The following TBC1D5 variants were observed in gnomAD, a reference collection of about 807,000 sequenced individuals.
The protein encoded by TBC1D5 is TBC1 domain family, member 5.
Under a neutral mutation model 100.3 loss-of-function variants are expected in TBC1D5, and 75 were observed. The ratio of observed to expected loss-of-function variants is 0.75; its 90% CI spans 0.62 to 0.91. The LOEUF (loss-of-function observed/expected upper bound fraction) is 0.91, where lower values mean the gene tolerates loss of function less well. Among genes scored for constraint, TBC1D5 ranks in the 40% least tolerant of loss-of-function variants. The probability of loss-of-function intolerance (pLI) is 0.00; values close to 1 mark genes in which losing one functional copy is unlikely to be tolerated. For synonymous variants in TBC1D5, 323 were observed against 325.6 expected, an observed-to-expected ratio of 0.99 and a Z score of 0.09; for missense variants, 910 against 942.4, an observed-to-expected ratio of 0.97 and a Z score of 0.45.
chr3:17,427,789 A>G (rs1036167026), intron 4 of TBC1D5, among the ~76,000 whole-genome samples: 4 of 151,952 alleles, frequency 2.6e-5, no homozygotes, highest in Admixed American at 1.3e-4. Flanking sequence ...ATTTTCAAGT[A>G]TTACTGAAAA....
At chr3:17,479,968 T>C (rs1453293295) in intron 3 of TBC1D5, among the ~76,000 whole-genome samples, 1 of 152,192 alleles carries the variant, frequency 6.6e-6, no homozygotes, top group African/African-American at 2.4e-5. Context: ...CCTGTGCTCT[T>C]GGGGTCCCAG....
chr3:17,194,424 T>C (rs1473319583), intron 18 of TBC1D5, among the ~76,000 whole-genome samples: 1 of 152,246 alleles, frequency 6.6e-6, no homozygotes, highest in Non-Finnish European at 1.5e-5. Context: ...GTAGCTCTAT[T>C]ATTCTATTTA....
intron 8 of TBC1D5, among the ~76,000 whole-genome samples, chr3:17,397,473 G>A (rs1334952781): frequency 6.6e-6 from 1 of 152,118 alleles, no homozygotes; most frequent in African/African-American, 2.4e-5. Flanking sequence ...CTGGGATCAA[G>A]AGATCCCCCA....
At chr3:17,315,433 C>T (rs781558643) in intron 13 of TBC1D5, among the ~76,000 whole-genome samples, 1 of 152,176 alleles carries the variant, frequency 6.6e-6, no homozygotes, top group Non-Finnish European at 1.5e-5. Flanking sequence ...ATACTGGGAG[C>T]GCAGCTGAAT....
At chr3:17,216,275 C>A (rs550835477) in intron 17 of TBC1D5, among the ~76,000 whole-genome samples, 1 of 152,128 alleles carries the variant, frequency 6.6e-6, no homozygotes, top group African/African-American at 2.4e-5. Context: ...AGGGTGGTTC[C>A]CAGCTCGTGA....
At chr3:17,381,481 A>C (rs2092942990) in intron 9 of TBC1D5, among the ~76,000 whole-genome samples, 1 of 152,128 alleles carries the variant, frequency 6.6e-6, no homozygotes, top group Admixed American at 6.6e-5. Context: ...CAACATAATG[A>C]AAAGAAAGCA....
chr3:17,399,751 T>C (rs928136141), intron 8 of TBC1D5, among the ~76,000 whole-genome samples: 1 of 152,130 alleles, frequency 6.6e-6, no homozygotes, highest in African/African-American at 2.4e-5. Flanking sequence ...CCTCTCAGAT[T>C]TCCTTCTCTA....
At chr3:17,737,088 T>G (rs2077019384) in intron 1 of TBC1D5, among the ~76,000 whole-genome samples, 2 of 152,174 alleles carry the variant, frequency 1.3e-5, no homozygotes, top group Admixed American at 6.5e-5. Flanking sequence ...TGATCCCCAC[T>G]TATCAGCAAA....
intron 13 of TBC1D5, among the ~76,000 whole-genome samples, chr3:17,357,555 G>A (rs1305805917): frequency 6.6e-6 from 1 of 152,138 alleles, no homozygotes; most frequent in African/African-American, 2.4e-5. Flanking sequence ...TGAAGCCAGA[G>A]CAAGAGGCAT....
chr3:17,237,201 GCTCT>G (rs1383014355), intron 17 of TBC1D5, among the ~76,000 whole-genome samples: 2 of 152,174 alleles, frequency 1.3e-5, no homozygotes, highest in Non-Finnish European at 2.9e-5. Context: ...CAGGATGTTT[GCTCT>G]GACACTAAGT....
At chr3:17,351,068 T>C (rs2090515644) in intron 13 of TBC1D5, among the ~76,000 whole-genome samples, 1 of 152,164 alleles carries the variant, frequency 6.6e-6, no homozygotes, top group South Asian at 2.1e-4. Context: ...TATTTTAAAA[T>C]ATCACACTAA....
intron 17 of TBC1D5, among the ~76,000 whole-genome samples, chr3:17,216,168 T>C (rs1412954858): frequency 6.6e-6 from 1 of 152,008 alleles, no homozygotes; most frequent in East Asian, 1.9e-4. Context: ...TTTAAGGAAA[T>C]ATTTGTGACT....
At chr3:17,285,357 T>C (rs1223627858) in intron 15 of TBC1D5, among the ~76,000 whole-genome samples, 2 of 146,690 alleles carry the variant, frequency 1.4e-5, no homozygotes, top group African/African-American at 2.6e-5. Context: ...GCCTCCCGGG[T>C]TCACGGCATT....
intron 2 of TBC1D5, among the ~76,000 whole-genome samples, chr3:17,554,800 T>C (rs991227596): frequency 2.0e-5 from 3 of 152,110 alleles, no homozygotes; most frequent in African/African-American, 4.8e-5. Flanking sequence ...TTGTAATTCA[T>C]AAAGCCCTTC....
intron 3 of TBC1D5, among the ~76,000 whole-genome samples, chr3:17,488,479 C>G (rs923005217): frequency 4.6e-5 from 7 of 152,162 alleles, no homozygotes; most frequent in Admixed American, 1.3e-4. Context: ...TTTCAACACA[C>G]TTGGGTAAAT....
At chr3:17,691,474 A>G (rs2071149182) in intron 1 of TBC1D5, among the ~76,000 whole-genome samples, 1 of 152,232 alleles carries the variant, frequency 6.6e-6, no homozygotes, top group South Asian at 2.1e-4. Context: ...AAGCATTCTT[A>G]ATCTGCTAGG....
Position 17,180,848 on chromosome 3 carries a change from G to C in TBC1D5, c.1852+4261C>G, listed in dbSNP as rs1169663543. On this transcript the variant is annotated intron_variant, in intron 19 of 21. Coordinates refer to ENST00000253692, the Ensembl canonical transcript of TBC1D5. ...TATTTGGGTGATGGTTCCACTAAAAGCCCAGACTTCACCACTGTGCAGTAT... is the reference window on the plus strand; with the variant it reads ...TATTTGGGTGATGGTTCCACTAAAACCCCAGACTTCACCACTGTGCAGTAT... Among the ~76,000 whole-genome samples, 6 of 147,524 alleles carry C rather than the reference G, an allele frequency of 4.1e-5. No homozygotes were observed. In the Admixed American group the frequency reaches 4.1e-4, roughly 10 times the overall value.
chr3:17,717,384 C>T (rs972683704), intron 1 of TBC1D5, among the ~76,000 whole-genome samples: 1 of 152,078 alleles, frequency 6.6e-6, no homozygotes, highest in Non-Finnish European at 1.5e-5. Flanking sequence ...ATAATGAGAG[C>T]TTTACTCAGC....
intron 19 of TBC1D5, among the ~76,000 whole-genome samples, chr3:17,172,391 T>C (rs1323755209): frequency 6.6e-6 from 1 of 152,218 alleles, no homozygotes; most frequent in African/African-American, 2.4e-5. Context: ...CATGTAAAAG[T>C]AGACAAACGT....
Sources: allele counts gnomAD v4.1 joint callset (sites outside exome capture counted in the v4.1 genomes callset), GRCh38; gene constraint gnomAD v4.1.1; transcripts MANE v1.5; gene names NCBI Gene and HGNC (gene_info 2026-07-23, HGNC 2026-07-21).